The following NUAK1 variants were observed in gnomAD, a reference collection of about 807,000 sequenced individuals.
NUAK1 encodes the protein NUAK family SNF1-like kinase 1.
Under a neutral mutation model 56.9 loss-of-function variants are expected in NUAK1, and 26 were observed. The observed-to-expected ratio is 0.46, with a 90% CI of 0.33 to 0.63. The LOEUF (loss-of-function observed/expected upper bound fraction) is 0.63, where lower values mean the gene tolerates loss of function less well. Among genes scored for constraint, NUAK1 ranks in the 30% least tolerant of loss-of-function variants. The pLI, the probability that NUAK1 is intolerant of heterozygous loss-of-function variation, is 0.02. For synonymous variants in NUAK1, 337 were observed against 336.0 expected (o/e 1.00, Z -0.03); for missense variants, 727 against 876.1 (o/e 0.83, Z 2.15).
At chr12:106,097,541 C>A (rs927637660) in intron 2 of NUAK1, among the ~76,000 whole-genome samples, 2 of 152,184 alleles carry the variant, frequency 1.3e-5, no homozygotes, top group African/African-American at 2.4e-5. Flanking sequence ...ATATCAGGAC[C>A]TGCTTGCAAA....
Position 106,118,565 on chromosome 12 carries a change from A to G in NUAK1, c.241-12040T>C, listed in dbSNP as rs149220670. 8.7e-4 allele frequency among the ~76,000 whole-genome samples: 132 copies of G among 152,192 alleles called. 1 individual carries two copies. The highest frequency in any genetic ancestry group is 3.4e-3 in the Middle Eastern group (1 of 294). ...TTTGAATGTGCGGCTAAGCAAGGAC[A>G]CTCCTTCCTGGATCAAGCGTTGCTT... On this transcript the variant is annotated intron_variant, in intron 1 of 6. Coordinates refer to ENST00000261402, the MANE Select transcript of NUAK1 (RefSeq NM_014840.3).
chr12:106,067,232 C>G lies in NUAK1; in HGVS notation c.1556G>C (p.Cys519Ser), dbSNP rs1166066281. The G allele has an allele frequency of 5.0e-6, 8 of 1,613,940 alleles. No individual in the cohort carries two copies. The highest frequency in any genetic ancestry group is 3.3e-5 in the Admixed American group (2 of 59,986). Residue 519 changes from cysteine (C) to serine (S), a missense_variant, in exon 7 of 7, where the codon TGC becomes TCC. Coordinates refer to ENST00000261402, the MANE Select transcript of NUAK1 (RefSeq NM_014840.3). The surrounding 1 kb of genome is among the most constrained non-coding windows in gnomAD (Gnocchi z 6.0). ...GTGTTTCAAGATGCCCTTCCTCCGGCAGGAGAGGCTGTGGGAGGTTACCCT... is the reference window on the plus strand; with the variant it reads ...GTGTTTCAAGATGCCCTTCCTCCGGGAGGAGAGGCTGTGGGAGGTTACCCT... ...PARVTSHSLS[C>S]RRKGILKHSS...
intron 1 of NUAK1, 31 bp from the exon 2 acceptor site, chr12:106,106,556 G>T: frequency 6.2e-7 from 1 of 1,604,988 alleles, no homozygotes; most frequent in Non-Finnish European, 8.5e-7. Context: ...ATGTTATTCA[G>T]AGAGCTAAAC....
At chr12:106,085,399 T>C (rs1361771668) in intron 3 of NUAK1, among the ~76,000 whole-genome samples, 1 of 152,250 alleles carries the variant, frequency 6.6e-6, no homozygotes, top group Non-Finnish European at 1.5e-5. Flanking sequence ...TGAGTAACTG[T>C]TCTCTAATTA....
intron 2 of NUAK1, chr12:106,103,127 T>A (rs927485643): frequency 6.6e-6 from 1 of 152,302 alleles, no homozygotes; most frequent in Admixed American, 6.5e-5. Context: ...AGGGGGATGG[T>A]TTCCTGTTCT....
At chr12:106,101,393 T>G (rs1322981955) in intron 2 of NUAK1, among the ~76,000 whole-genome samples, 1 of 152,144 alleles carries the variant, frequency 6.6e-6, no homozygotes, top group African/African-American at 2.4e-5. Flanking sequence ...CACCAAGTAC[T>G]TCAGAACGTG....
chr12:106,123,178 T>C (rs1407845623), intron 1 of NUAK1, among the ~76,000 whole-genome samples: 1 of 152,198 alleles, frequency 6.6e-6, no homozygotes, highest in Non-Finnish European at 1.5e-5. Flanking sequence ...ACAAAAAATG[T>C]GATGAACGAG....
chr12:106,108,158 T>C (rs2032822243), intron 1 of NUAK1, among the ~76,000 whole-genome samples: 1 of 151,010 alleles, frequency 6.6e-6, no homozygotes, highest in Non-Finnish European at 1.5e-5. Context: ...ACCAGAGAGG[T>C]GGTAGCAGAA....
At position 106,066,771 on chromosome 12, in the gene NUAK1, A is replaced by G. The variant is rs770538269; in HGVS notation, c.*31T>C. ...AGTCTTGCTCCCCTTCCTCCCTCGTACCCCCGCCCGCCCCTGGGCGCCCTG... is the reference window on the plus strand; with the variant it reads ...AGTCTTGCTCCCCTTCCTCCCTCGTGCCCCCGCCCGCCCCTGGGCGCCCTG... On this transcript the variant is annotated 3_prime_UTR_variant, in exon 7 of 7. Coordinates refer to ENST00000261402, the MANE Select transcript of NUAK1 (RefSeq NM_014840.3). The G allele has an allele frequency of 6.4e-7, 1 of 1,553,010 alleles. No homozygotes were observed. Among genetic ancestry groups the G allele is most frequent in the Admixed American group, 1.8e-5 (1 of 57,026 alleles).
intron 1 of NUAK1, among the ~76,000 whole-genome samples, chr12:106,124,054 T>C (rs1207992630): frequency 2.0e-5 from 3 of 152,230 alleles, no homozygotes; most frequent in Non-Finnish European, 4.4e-5. Flanking sequence ...TATAATTTTT[T>C]CCTTCATGAG....
At chr12:106,107,833 A>G (rs1011438986) in intron 1 of NUAK1, among the ~76,000 whole-genome samples, 3 of 152,284 alleles carry the variant, frequency 2.0e-5, no homozygotes, top group African/African-American at 7.2e-5. Flanking sequence ...TGTTTTTGCT[A>G]TGTATTGACC....
intron 3 of NUAK1, among the ~76,000 whole-genome samples, chr12:106,084,688 A>G (rs1285606672): frequency 6.6e-6 from 1 of 151,926 alleles, no homozygotes; most frequent in Non-Finnish European, 1.5e-5. Flanking sequence ...GTCATCAGCC[A>G]ATAGGCTGTC....
intron 3 of NUAK1, 55 bp from the exon 4 acceptor site, chr12:106,083,984 G>C (rs1203933971): frequency 4.9e-6 from 7 of 1,434,952 alleles, no homozygotes; most frequent in Non-Finnish European, 6.9e-6. Context: ...ATGAGAACAA[G>C]AGAGAAAGAG....
At chr12:106,074,241 AAATAAT>A (rs977531075) in intron 4 of NUAK1, among the ~76,000 whole-genome samples, 1 of 151,856 alleles carries the variant, frequency 6.6e-6, no homozygotes, top group Non-Finnish European at 1.5e-5. Context: ...ATATAATGCA[AAATAAT>A]AATAATAATA....
At chr12:106,105,102 C>T (rs185610437) in intron 2 of NUAK1, among the ~76,000 whole-genome samples, 132 of 152,018 alleles carry the variant, frequency 8.7e-4, no homozygotes, top group African/African-American at 2.8e-3. Flanking sequence ...TACAGGCATG[C>T]GCCACCACAC....
intron 2 of NUAK1, among the ~76,000 whole-genome samples, chr12:106,087,238 A>T (rs1178573350): frequency 6.6e-6 from 1 of 152,126 alleles, no homozygotes; most frequent in East Asian, 1.9e-4. Context: ...ACAACCAATA[A>T]TTTATTAACC....
chr12:106,106,611 T>C (rs1363105668), intron 1 of NUAK1, 86 bp from the exon 2 acceptor site: 5 of 1,398,120 alleles, frequency 3.6e-6, no homozygotes, highest in African/African-American at 1.4e-5. Flanking sequence ...TAAATACAGA[T>C]GTTACTTGTT....
chr12:106,101,677 G>A (rs187821647), intron 2 of NUAK1, among the ~76,000 whole-genome samples: 4 of 152,216 alleles, frequency 2.6e-5, no homozygotes, highest in East Asian at 1.9e-4. Context: ...ATTTTCTTAC[G>A]ACAGCCCTAA....
intron 4 of NUAK1, among the ~76,000 whole-genome samples, chr12:106,075,401 A>T (rs1273165429): frequency 6.6e-6 from 1 of 152,112 alleles, no homozygotes; most frequent in Non-Finnish European, 1.5e-5. Flanking sequence ...TACGGAACTT[A>T]TATCAACTAT....
Sources: allele counts gnomAD v4.1 joint callset (sites outside exome capture counted in the v4.1 genomes callset), GRCh38; gene constraint gnomAD v4.1.1; non-coding constraint Gnocchi (gnomAD v3.1); transcripts MANE v1.5; gene names NCBI Gene and HGNC (gene_info 2026-07-23, HGNC 2026-07-21).